LRMDA: variants seen among roughly 807,000 people sequenced by gnomAD.
LRMDA encodes the protein leucine-rich melanocyte differentiation-associated protein.
LRMDA carries 18 observed loss-of-function variants against 29.8 expected under a neutral mutation model. The ratio of observed to expected loss-of-function variants is 0.60; its 90% CI spans 0.42 to 0.90. The LOEUF (loss-of-function observed/expected upper bound fraction) is 0.90, where lower values mean the gene tolerates loss of function less well. Ranked by LOEUF, LRMDA falls within the 40% of genes least tolerant of loss-of-function variation. The pLI is 0.00. For missense variants in LRMDA, 273 were observed against 273.9 expected (o/e 1.00, Z 0.02); for synonymous variants, 125 against 109.4 (o/e 1.14, Z -0.89).
chr10:75,902,153 C>T (rs985809684), intron 2 of LRMDA, among the ~76,000 whole-genome samples: 1 of 152,190 alleles, frequency 6.6e-6, no homozygotes, highest in East Asian at 1.9e-4. Flanking sequence ...CCAAGGTCTA[C>T]CCACCAATGG....
At chr10:75,672,436 T>C (rs1841901993) in intron 2 of LRMDA, among the ~76,000 whole-genome samples, 1 of 151,420 alleles carries the variant, frequency 6.6e-6, no homozygotes, top group Non-Finnish European at 1.5e-5. Context: ...CAAGATACAT[T>C]CCCTTTCTGT....
At chr10:76,299,603 CTT>C (rs34214231) in intron 5 of LRMDA, among the ~76,000 whole-genome samples, 9 of 99,488 alleles carry the variant, frequency 9.0e-5, no homozygotes, top group East Asian at 3.6e-4. Flanking sequence ...CCCTTCCTTT[CTT>C]TTTTTTTTTT....
chr10:75,903,754 C>T (rs7067761), intron 2 of LRMDA, among the ~76,000 whole-genome samples: 1 of 152,158 alleles, frequency 6.6e-6, no homozygotes, highest in Non-Finnish European at 1.5e-5. Flanking sequence ...ACAGAGCTCC[C>T]GTTAAAGCAG....
At chr10:76,378,624 C>A (rs535552797) in intron 6 of LRMDA, among the ~76,000 whole-genome samples, 1 of 151,612 alleles carries the variant, frequency 6.6e-6, no homozygotes, top group Non-Finnish European at 1.5e-5. Flanking sequence ...TTTTTTTCTA[C>A]GTCTATTGAG....
At chr10:75,979,052 A>G (rs1366493394) in intron 2 of LRMDA, among the ~76,000 whole-genome samples, 1 of 152,096 alleles carries the variant, frequency 6.6e-6, no homozygotes, top group Non-Finnish European at 1.5e-5. Flanking sequence ...TAATAATAGT[A>G]CCCATCTCAC....
At chr10:75,469,139 G>T (rs1380838828) in intron 2 of LRMDA, among the ~76,000 whole-genome samples, 1 of 152,032 alleles carries the variant, frequency 6.6e-6, no homozygotes, top group Non-Finnish European at 1.5e-5. Flanking sequence ...CTGGGAGATG[G>T]TGCTGGCTCT....
At position 76,171,203 on chromosome 10, in the gene LRMDA, C is replaced by T. The variant is rs530808728; in HGVS notation, c.516+112420C>T. On this transcript the variant is annotated intron_variant, in intron 5 of 6. Transcript: ENST00000611255. ...TGCTATGCCTACCCTTCAGATGACA[C>T]TATCTCGCTGCAACCTCTGCCTCCT... is the stretch of plus-strand genomic sequence containing the variant. 1.6e-4 allele frequency among the ~76,000 whole-genome samples: 25 copies of T among 152,278 alleles called. No individual in the cohort carries two copies. In the East Asian group the frequency reaches 4.5e-3, roughly 27 times the overall value.
intron 2 of LRMDA, among the ~76,000 whole-genome samples, chr10:75,523,648 C>A (rs1015578119): frequency 6.6e-6 from 1 of 152,104 alleles, no homozygotes; most frequent in Non-Finnish European, 1.5e-5. Context: ...AAAGAGGGAG[C>A]TATAATAATT....
chr10:75,721,988 C>T (rs1387840800), intron 2 of LRMDA, among the ~76,000 whole-genome samples: 2 of 152,094 alleles, frequency 1.3e-5, no homozygotes, highest in African/African-American at 4.8e-5. Context: ...AATTTTTTGA[C>T]ACTTTTTTTT....
In LRMDA at chr10:76,033,095, C is replaced by T. The variant is rs1848178397; in HGVS notation, c.132-2913C>T. Among the ~76,000 whole-genome samples the T allele has an allele frequency of 7.2e-5, 11 of 152,146 alleles. No individual in the cohort carries two copies. In the South Asian group the frequency reaches 2.3e-3, roughly 32 times the overall value. The stretch of plus-strand genomic sequence containing the variant: ...AAAAATAAATAAAGGGTAAAGCCAC[C>T]TCATTCTAGGTGTATGTGTATTGTC... On this transcript the variant is annotated intron_variant, in intron 2 of 6. Transcript: ENST00000611255.
chr10:75,486,309 A>C (rs145403005), intron 2 of LRMDA, among the ~76,000 whole-genome samples: 270 of 152,330 alleles, frequency 1.8e-3, no homozygotes, highest in Non-Finnish European at 1.7e-3. Flanking sequence ...ACACTATAGC[A>C]TTCAAAATCT....
chr10:75,917,588 C>T lies in LRMDA; in HGVS notation c.132-118420C>T, dbSNP rs146580966. On this transcript the variant is annotated intron_variant, in intron 2 of 6. Transcript: ENST00000611255. ...ATCGGGAGAGTGTGACAAATATCAACGAATGGATTATTTTCAAATGTGATC... is the reference window on the plus strand; with the variant it reads ...ATCGGGAGAGTGTGACAAATATCAATGAATGGATTATTTTCAAATGTGATC... Among the ~76,000 whole-genome samples, 24 of 152,260 alleles carry T rather than the reference C, an allele frequency of 1.6e-4. No homozygotes were observed. In the East Asian group the frequency reaches 4.2e-3, roughly 27 times the overall value.
intron 6 of LRMDA, among the ~76,000 whole-genome samples, chr10:76,325,681 G>T (rs573088669): frequency 4.1e-4 from 63 of 152,184 alleles, no homozygotes; most frequent in African/African-American, 1.3e-3. Flanking sequence ...TTGAATAAGG[G>T]TATTTTTACT....
At chr10:76,152,527 T>C (rs1423983478) in intron 5 of LRMDA, among the ~76,000 whole-genome samples, 1 of 152,226 alleles carries the variant, frequency 6.6e-6, no homozygotes, top group Admixed American at 6.5e-5. Context: ...TGTTTTTCAG[T>C]ATCTTGATTA....
intron 2 of LRMDA, among the ~76,000 whole-genome samples, chr10:75,497,732 G>A (rs745943596): frequency 6.6e-6 from 1 of 151,614 alleles, no homozygotes; most frequent in African/African-American, 2.4e-5. Context: ...GTGTACGTGA[G>A]GCTTCTTTCA....
At chr10:76,247,722 T>C (rs960969978) in intron 5 of LRMDA, among the ~76,000 whole-genome samples, 8 of 152,130 alleles carry the variant, frequency 5.3e-5, no homozygotes, top group African/African-American at 1.9e-4. Flanking sequence ...GGGCTTGACC[T>C]TGTGACTTGT....
At chr10:76,452,316 G>C (rs1564545597) in intron 6 of LRMDA, among the ~76,000 whole-genome samples, 1 of 152,278 alleles carries the variant, frequency 6.6e-6, no homozygotes, top group East Asian at 1.9e-4. Flanking sequence ...AGGGATGTGG[G>C]AAGGCCATGT....
intron 2 of LRMDA, among the ~76,000 whole-genome samples, chr10:75,458,885 C>A (rs1844551941): frequency 1.3e-5 from 2 of 152,072 alleles, no homozygotes; most frequent in African/African-American, 4.8e-5. Context: ...ATTTTTACAA[C>A]CATAAAAAAA....
chr10:75,931,854 G>A (rs1435069299), intron 2 of LRMDA, among the ~76,000 whole-genome samples: 1 of 152,138 alleles, frequency 6.6e-6, no homozygotes, highest in African/African-American at 2.4e-5. Flanking sequence ...TGATTTAGGA[G>A]CCCATGTTCA....
Sources: gnomAD v4.1 joint callset for allele counts (sites outside exome capture counted in the v4.1 genomes callset) on GRCh38, gnomAD v4.1.1 for gene constraint, MANE v1.5 for transcripts, NCBI Gene and HGNC (gene_info 2026-07-23, HGNC 2026-07-21) for gene names.